CTPS1: variants seen among roughly 807,000 people sequenced by gnomAD.
CTPS1 encodes the protein CTP synthase 1.
In CTPS1, 25 loss-of-function variants were observed where a neutral mutation model predicts 80.5. The observed-to-expected ratio is 0.31, with a 90% CI of 0.23 to 0.43. CTPS1 has a LOEUF of 0.43. Among genes scored for constraint, CTPS1 ranks in the 20% least tolerant of loss-of-function variants. The pLI is 1.00. For missense variants in CTPS1, 442 were observed against 725.7 expected (o/e 0.61, Z 4.49); for synonymous variants, 267 against 252.5 (o/e 1.06, Z -0.54).
chr1:40,996,755 A>T (rs531955428), intron 8 of CTPS1, among the ~76,000 whole-genome samples: 1 of 152,248 alleles, frequency 6.6e-6, no homozygotes, highest in Admixed American at 6.5e-5. Context: ...TGGCAGTTTT[A>T]TCATCCTTTT....
intron 13 of CTPS1, among the ~76,000 whole-genome samples, 165 bp downstream of exon 13, chr1:41,006,259 T>C (rs1405164321): frequency 1.3e-5 from 2 of 152,192 alleles, no homozygotes; most frequent in Non-Finnish European, 2.9e-5. Flanking sequence ...ACTTTTCTTT[T>C]TCATTATGTA....
At chr1:40,986,784 T>G (rs1302741958) in intron 3 of CTPS1, among the ~76,000 whole-genome samples, 1 of 152,178 alleles carries the variant, frequency 6.6e-6, no homozygotes, top group Non-Finnish European at 1.5e-5. Flanking sequence ...TCACAAAATT[T>G]CCACAGCTTA....
At chr1:40,981,919 TC>T in intron 1 of CTPS1, 1 of 1,197,338 alleles carries the variant, frequency 8.4e-7, no homozygotes, top group Non-Finnish European at 1.1e-6. Flanking sequence ...GTTTTCTTGT[TC>T]CTTAGTTTAT....
At chr1:40,991,741 A>T in intron 6 of CTPS1, 24 bp from the exon 7 acceptor site, 1 of 1,568,962 alleles carries the variant, frequency 6.4e-7, no homozygotes, top group Non-Finnish European at 8.8e-7. Flanking sequence ...CTTCTGTCTA[A>T]GCCATCTTGT....
At chr1:40,987,898 C>T (rs979412849) in intron 4 of CTPS1, among the ~76,000 whole-genome samples, 29 of 152,108 alleles carry the variant, frequency 1.9e-4, no homozygotes, top group Admixed American at 1.8e-3. Context: ...TCAAAAGTTC[C>T]AGCAGTTTGT....
Position 41,007,566 on chromosome 1 carries a change from G to GC in CTPS1, c.1393+24dup. On this transcript the variant is annotated intron_variant, in intron 14 of 18. Transcript: ENST00000650070. This position sits in a 1 kb window ranked among gnomAD's most constrained non-coding sequence, Gnocchi z 4.4. Reference sequence around the variant, plus strand: ...CATGAGTAAGAGCTGCCTCACGCTGGCCCAGCCTTTGGCTCTGCGTGCCCA... The same window carrying GC: ...CATGAGTAAGAGCTGCCTCACGCTGGCCCCAGCCTTTGGCTCTGCGTGCCCA... The GC allele has an allele frequency of 1.2e-6, 2 of 1,607,306 alleles. No homozygotes were observed. Among genetic ancestry groups the GC allele is most frequent in the Admixed American group, 3.3e-5 (2 of 59,998 alleles).
intron 6 of CTPS1, 62 bp downstream of exon 6, chr1:40,991,310 C>A: frequency 7.9e-7 from 1 of 1,262,334 alleles, no homozygotes; most frequent in Non-Finnish European, 1.1e-6. Flanking sequence ...ATCACTCTAT[C>A]ATGACAGACA....
chr1:40,985,907 A>C (rs1194057197), intron 3 of CTPS1, among the ~76,000 whole-genome samples: 1 of 152,248 alleles, frequency 6.6e-6, no homozygotes, highest in Non-Finnish European at 1.5e-5. Flanking sequence ...AAGATTAAAG[A>C]AACTAAAAGT....
intron 13 of CTPS1, among the ~76,000 whole-genome samples, chr1:41,006,718 C>T (rs1049805919): frequency 3.3e-5 from 5 of 152,168 alleles, no homozygotes; most frequent in African/African-American, 7.2e-5. Context: ...CACTTATTTA[C>T]GTTTTTCAGC....
rs759460981 is a variant in CTPS1 at position 41,010,182 on chromosome 1, T to C, written c.1713T>C (p.Ser571=). 6.2e-7 allele frequency: 1 copy of C among 1,613,646 alleles called. No individual in the cohort carries two copies. The highest frequency in any genetic ancestry group is 1.7e-5 in the Admixed American group (1 of 59,998). The change falls in exon 18 of 19, where the codon AGT becomes AGC. Residue 571 remains serine, a synonymous_variant. Coordinates refer to ENST00000650070, the MANE Select transcript of CTPS1 (RefSeq NM_001905.4). ...ACAGGGACACCTATAGTGACAGGAG[T>C]GGAAGCAGCTCCCCTGACTCTGAAA... ...LSPRDTYSDR[S]GSSSPDSEIT... is the part of the protein sequence containing the mutation.
At chr1:40,992,021 T>C (rs61780429) in intron 7 of CTPS1, among the ~76,000 whole-genome samples, 176 bp downstream of exon 7, 1 of 152,058 alleles carries the variant, frequency 6.6e-6, no homozygotes. Context: ...AACACCTGTG[T>C]CCCTCCTGCC....
chr1:40,992,682 A>ATTTTT (rs67623913), intron 7 of CTPS1, among the ~76,000 whole-genome samples: 1 of 127,928 alleles, frequency 7.8e-6, no homozygotes, highest in Non-Finnish European at 1.6e-5. Context: ...AAATTGTTCA[A>ATTTTT]TTTTTTTTTT....
In CTPS1 at chr1:41,007,612, T is replaced by C. The variant is rs1242844010; in HGVS notation, c.1393+67T>C. On this transcript the variant is annotated intron_variant, in intron 14 of 18. Coordinates refer to ENST00000650070, the MANE Select transcript of CTPS1 (RefSeq NM_001905.4). This position sits in a 1 kb window ranked among gnomAD's most constrained non-coding sequence, Gnocchi z 4.4. Reference sequence around the variant, plus strand: ...GCCCAGGACGCGTGTCTTAGGGTGATGCTGTGGCTTCGAGGAGCAGGCTGG... The same window carrying C: ...GCCCAGGACGCGTGTCTTAGGGTGACGCTGTGGCTTCGAGGAGCAGGCTGG... 1.5e-6 allele frequency: 2 copies of C among 1,363,324 alleles called. No homozygotes were observed. The highest frequency in any genetic ancestry group is 1.4e-5 in the African/African-American group (1 of 69,604). The allele number at this position is 1,363,324 out of a possible 1,614,324, so 84.5% of individuals were successfully genotyped here. A position where few individuals can be genotyped will look rare whatever the true frequency, so the allele number is the denominator to read the frequency against.
In CTPS1 at chr1:40,985,006, A is replaced by C. The variant is rs925193846; in HGVS notation, c.337+15A>C. 1.3e-6 allele frequency: 2 copies of C among 1,532,850 alleles called. No individual in the cohort carries two copies. The highest frequency in any genetic ancestry group is 1.8e-6 in the Non-Finnish European group (2 of 1,129,518). The allele number at this position is 1,532,850 out of a possible 1,614,324, so 95.0% of individuals were successfully genotyped here. A position where few individuals can be genotyped will look rare whatever the true frequency, so the allele number is the denominator to read the frequency against. ...AACTGTCCAAGGTAATACTGGATTT[A>C]CCTTTAAAGCTTAAAAGTCTTAACC... On this transcript the variant is annotated intron_variant, in intron 3 of 18. Transcript: ENST00000650070.
chr1:40,996,166 C>A, intron 8 of CTPS1, 98 bp downstream of exon 8: 1 of 1,315,844 alleles, frequency 7.6e-7, no homozygotes. Flanking sequence ...TACTTTTGCA[C>A]TTCTGCCATC....
chr1:40,985,514 C>T (rs1346749931), intron 3 of CTPS1, among the ~76,000 whole-genome samples: 1 of 152,138 alleles, frequency 6.6e-6, no homozygotes, highest in Non-Finnish European at 1.5e-5. Context: ...CATCTATTTG[C>T]TGTTTTGGGG....
At chr1:40,982,472 C>T (rs1570936285) in intron 1 of CTPS1, among the ~76,000 whole-genome samples, 1 of 152,218 alleles carries the variant, frequency 6.6e-6, no homozygotes, top group East Asian at 1.9e-4. Flanking sequence ...TCACTGCAAC[C>T]TCTGTCTCCT....
chr1:41,000,685 G>C, intron 9 of CTPS1: 1 of 155,980 alleles, frequency 6.4e-6, no homozygotes. Context: ...AAGCTGGGCG[G>C]AAGATGGGCT....
At chr1:41,005,843 G>A (rs1219217590) in intron 12 of CTPS1, among the ~76,000 whole-genome samples, 1 of 152,052 alleles carries the variant, frequency 6.6e-6, no homozygotes, top group South Asian at 2.1e-4. Context: ...GTTCAAGGCT[G>A]CAGTGAGCTA....
Sources: gnomAD v4.1 joint callset for allele counts (sites outside exome capture counted in the v4.1 genomes callset) on GRCh38, gnomAD v4.1.1 for gene constraint, Gnocchi (gnomAD v3.1) non-coding constraint, MANE v1.5 for transcripts, NCBI Gene and HGNC (gene_info 2026-07-23, HGNC 2026-07-21) for gene names.